RIT2: variants seen among roughly 807,000 people sequenced by gnomAD.
The protein encoded by RIT2 is GTP-binding protein Rit2.
In RIT2, 24 loss-of-function variants were observed where a neutral mutation model predicts 23.7. The ratio of observed to expected loss-of-function variants is 1.01; its 90% CI spans 0.73 to 1.43. The LOEUF is 1.43. Ranked by LOEUF, RIT2 falls within the 40% of genes most tolerant of loss-of-function variation. RIT2 has a pLI of 0.00. For missense variants in RIT2, 236 were observed against 266.9 expected, an observed-to-expected ratio of 0.88 and a Z score of 0.81; for synonymous variants, 107 against 91.1, an observed-to-expected ratio of 1.17 and a Z score of -0.99.
chr18:43,070,415 T>C (rs939816379), intron 1 of RIT2, among the ~76,000 whole-genome samples: 11 of 152,270 alleles, frequency 7.2e-5, no homozygotes, highest in African/African-American at 2.6e-4. Flanking sequence ...CAAGCTATAA[T>C]GGAGAAAGTG....
intron 2 of RIT2, among the ~76,000 whole-genome samples, chr18:42,997,439 A>G (rs1022556634): frequency 6.6e-6 from 1 of 152,020 alleles, no homozygotes; most frequent in African/African-American, 2.4e-5. Flanking sequence ...AAAAAAAGGA[A>G]CGAAAGAAAG....
At chr18:42,843,339 C>T (rs1906819162) in intron 4 of RIT2, among the ~76,000 whole-genome samples, 1 of 152,178 alleles carries the variant, frequency 6.6e-6, no homozygotes, top group Non-Finnish European at 1.5e-5. Flanking sequence ...CTCCAGCTGC[C>T]TCTAGGTATC....
At chr18:42,849,581 A>T (rs1906995340) in intron 4 of RIT2, among the ~76,000 whole-genome samples, 1 of 152,196 alleles carries the variant, frequency 6.6e-6, no homozygotes, top group Admixed American at 6.5e-5. Context: ...GTCATTGATT[A>T]TTATTAACAT....
chr18:42,941,216 G>A (rs1223556498), intron 3 of RIT2, among the ~76,000 whole-genome samples: 2 of 152,086 alleles, frequency 1.3e-5, no homozygotes, highest in Non-Finnish European at 2.9e-5. Flanking sequence ...TGCATGACTG[G>A]AGCCAACAGC....
In RIT2 at chr18:42,894,971, C is replaced by T. The variant is rs1908283765; in HGVS notation, c.426+28601G>A. Among the ~76,000 whole-genome samples, 6 of 152,258 alleles carry T rather than the reference C, an allele frequency of 3.9e-5. No homozygotes were observed. The South Asian group carries it at 1.2e-3, about 32-fold the overall frequency. On this transcript the variant is annotated intron_variant, in intron 4 of 4. Coordinates refer to ENST00000326695, the MANE Select transcript of RIT2 (RefSeq NM_002930.4). ...TGCAGGTGTTCATTTAGTCTCTTCT[C>T]AAGTTATGAAGAACCTAGTTTGGAA... is the stretch of plus-strand genomic sequence containing the variant.
intron 4 of RIT2, among the ~76,000 whole-genome samples, chr18:42,867,450 C>A (rs1427555151): frequency 6.6e-6 from 1 of 151,924 alleles, no homozygotes; most frequent in African/African-American, 2.4e-5. Context: ...TTATAATTAA[C>A]TAGTCTAACA....
chr18:42,929,134 C>A (rs1909264994), intron 3 of RIT2, among the ~76,000 whole-genome samples: 1 of 148,728 alleles, frequency 6.7e-6, no homozygotes, highest in Non-Finnish European at 1.5e-5. Flanking sequence ...TACAATTTGA[C>A]TCTGAACGTT....
chr18:42,814,205 G>A (rs905954706), intron 4 of RIT2, among the ~76,000 whole-genome samples: 2 of 152,184 alleles, frequency 1.3e-5, no homozygotes, highest in Admixed American at 6.5e-5. Context: ...GGAACTGATC[G>A]AGAAGTCTCC....
At chr18:43,007,997 C>A (rs777524506) in intron 2 of RIT2, among the ~76,000 whole-genome samples, 20 of 151,624 alleles carry the variant, frequency 1.3e-4, no homozygotes, top group Non-Finnish European at 2.1e-4. Context: ...CTGTTAACAA[C>A]ACAAAAAGCA....
At chr18:42,899,774 A>G (rs1459651378) in intron 4 of RIT2, among the ~76,000 whole-genome samples, 2 of 152,104 alleles carry the variant, frequency 1.3e-5, no homozygotes, top group African/African-American at 4.8e-5. Flanking sequence ...TTTTTATAAC[A>G]TATCCTGTTA....
At chr18:42,898,137 C>G (rs994983313) in intron 4 of RIT2, among the ~76,000 whole-genome samples, 2 of 152,092 alleles carry the variant, frequency 1.3e-5, no homozygotes, top group Non-Finnish European at 2.9e-5. Context: ...CACAATGGCT[C>G]GCGCCTGAAA....
intron 1 of RIT2, among the ~76,000 whole-genome samples, chr18:43,090,564 G>A (rs1023126818): frequency 6.6e-6 from 1 of 152,034 alleles, no homozygotes; most frequent in African/African-American, 2.4e-5. Flanking sequence ...AGAGACACAT[G>A]CACATGTATG....
intron 1 of RIT2, among the ~76,000 whole-genome samples, chr18:43,053,400 G>A (rs1367900047): frequency 6.6e-6 from 1 of 151,856 alleles, no homozygotes; most frequent in Non-Finnish European, 1.5e-5. Context: ...TCATTATTGT[G>A]ATAGCTTCTA....
intron 3 of RIT2, among the ~76,000 whole-genome samples, chr18:42,936,247 C>A (rs762554218): frequency 6.6e-6 from 1 of 152,022 alleles, no homozygotes; most frequent in Non-Finnish European, 1.5e-5. Context: ...GCTAAATAAC[C>A]AAATAAATAA....
chr18:42,787,651 T>A (rs1173505907), intron 4 of RIT2, among the ~76,000 whole-genome samples: 1 of 152,166 alleles, frequency 6.6e-6, no homozygotes, highest in Non-Finnish European at 1.5e-5. Flanking sequence ...CATGAATGTA[T>A]CTTGTCTCTC....
intron 4 of RIT2, among the ~76,000 whole-genome samples, chr18:42,873,598 CCTCA>C (rs1338622489): frequency 6.6e-6 from 1 of 151,974 alleles, no homozygotes; most frequent in Admixed American, 6.6e-5. Flanking sequence ...TTGTTCTTCT[CCTCA>C]CTGTTCCTTG....
At chr18:42,918,584 T>A (rs562070496) in intron 4 of RIT2, among the ~76,000 whole-genome samples, 2 of 152,174 alleles carry the variant, frequency 1.3e-5, no homozygotes, top group Non-Finnish European at 2.9e-5. Context: ...GCACTACTCT[T>A]ATTTTTTTAA....
intron 1 of RIT2, among the ~76,000 whole-genome samples, chr18:43,093,820 A>C (rs1217435334): frequency 6.6e-6 from 1 of 152,080 alleles, no homozygotes; most frequent in African/African-American, 2.4e-5. Context: ...ACTTGCAGAA[A>C]TGCTAAAATT....
intron 2 of RIT2, among the ~76,000 whole-genome samples, chr18:43,023,116 G>A (rs1233977010): frequency 1.3e-5 from 2 of 151,880 alleles, no homozygotes; most frequent in African/African-American, 2.4e-5. Flanking sequence ...TACCAAACAG[G>A]CAAGTCATAT....
Sources: gnomAD v4.1 joint callset for allele counts (sites outside exome capture counted in the v4.1 genomes callset) on GRCh38, gnomAD v4.1.1 for gene constraint, MANE v1.5 for transcripts, NCBI Gene and HGNC (gene_info 2026-07-23, HGNC 2026-07-21) for gene names.